Variants in EGFR observed in about 807,000 individuals in gnomAD.
EGFR encodes avian erythroblastic leukemia viral (v-erb-b) oncogene homolog.
Under a neutral mutation model 143.0 loss-of-function variants are expected in EGFR, and 58 were observed. That is an observed-to-expected ratio of 0.41 (90% confidence interval 0.33 to 0.50). The LOEUF (loss-of-function observed/expected upper bound fraction) is 0.50, where lower values mean the gene tolerates loss of function less well. Among genes scored for constraint, EGFR ranks in the 20% least tolerant of loss-of-function variants. EGFR has a pLI of 0.39. For synonymous variants in EGFR, 613 were observed against 594.4 expected (o/e 1.03, Z -0.45); for missense variants, 1,307 against 1,579.0 (o/e 0.83, Z 2.92).
chr7:55,078,557 C>G (rs1034579241), intron 1 of EGFR, among the ~76,000 whole-genome samples: 10 of 152,202 alleles, frequency 6.6e-5, no homozygotes, highest in Non-Finnish European at 1.3e-4. Flanking sequence ...TGACCTGCGT[C>G]CTTCCGCACG....
intron 19 of EGFR, among the ~76,000 whole-genome samples, chr7:55,176,657 G>A (rs1786601941): frequency 6.6e-6 from 1 of 151,784 alleles, no homozygotes; most frequent in African/African-American, 2.4e-5. Flanking sequence ...AGGCTGCAGT[G>A]AGCTAAAATC....
intron 23 of EGFR, 118 bp from the exon 24 acceptor site, chr7:55,200,198 T>A: frequency 9.9e-7 from 1 of 1,012,464 alleles, no homozygotes; most frequent in Non-Finnish European, 1.6e-6. Context: ...AAGACTTGGT[T>A]CTTTCATCAC....
In EGFR at chr7:55,205,776, C is replaced by T; in HGVS notation, c.*159C>T. 8.9e-7 allele frequency: 1 copy of T among 1,117,898 alleles called. No homozygotes were observed. The highest frequency in any genetic ancestry group is 1.3e-6 in the Non-Finnish European group (1 of 772,960). 69.2% of individuals were successfully genotyped at this position (1,117,898 alleles called of 1,614,324 possible). ...ACCGACTAGCCAGGAAGTACTTCCACCTCGGGCACATTTTGGGAAGTTGCA... is the reference window on the plus strand; with the variant it reads ...ACCGACTAGCCAGGAAGTACTTCCATCTCGGGCACATTTTGGGAAGTTGCA... On this transcript the variant is annotated 3_prime_UTR_variant, in exon 28 of 28. Coordinates refer to ENST00000275493, the MANE Select transcript of EGFR (RefSeq NM_005228.5).
rs913611421 is a variant in EGFR, at chr7:55,168,650, T to G, written c.1881-2525T>G. The G allele has an allele frequency of 1.2e-5, 17 of 1,462,264 alleles. No homozygotes were observed. The African/African-American group carries it at 1.6e-4, about 13-fold the overall frequency. The allele number at this position is 1,462,264 out of a possible 1,614,324, so 90.6% of individuals were successfully genotyped here. A position where few individuals can be genotyped will look rare whatever the true frequency, so the allele number is the denominator to read the frequency against. On this transcript the variant is annotated intron_variant, in intron 15 of 27. Transcript: ENST00000275493. ...TATTCATTTGACATATGGAATTTTA[T>G]AAATATTTTCTTTAGTATGTGTGAT...
chr7:55,113,372 A>C (rs1792634138), intron 1 of EGFR, among the ~76,000 whole-genome samples: 1 of 152,130 alleles, frequency 6.6e-6, no homozygotes, highest in South Asian at 2.1e-4. Flanking sequence ...TCCTATTCAA[A>C]TCACCTGGCA....
At chr7:55,023,066 T>G (rs1172933107) in intron 1 of EGFR, among the ~76,000 whole-genome samples, 1 of 152,218 alleles carries the variant, frequency 6.6e-6, no homozygotes, top group Non-Finnish European at 1.5e-5. Flanking sequence ...TTATGGGCAC[T>G]GAAGGGAAGG....
chr7:55,187,304 A>G (rs62457123), intron 20 of EGFR, among the ~76,000 whole-genome samples: 1 of 151,978 alleles, frequency 6.6e-6, no homozygotes, highest in Non-Finnish European at 1.5e-5. Context: ...CATGGGTGCT[A>G]TCTCTACATA....
intron 1 of EGFR, among the ~76,000 whole-genome samples, chr7:55,127,170 A>G (rs1187168672): frequency 6.6e-6 from 1 of 152,180 alleles, no homozygotes; most frequent in East Asian, 1.9e-4. Context: ...GATGAGTGGC[A>G]GGGCTCTGCT....
chr7:55,174,166 G>T (rs2128954037), intron 18 of EGFR, 123 bp downstream of exon 18: 1 of 1,384,420 alleles, frequency 7.2e-7, no homozygotes, highest in Non-Finnish European at 9.8e-7. Context: ...TTCACTGAGT[G>T]TTTGGGAAAC....
chr7:55,204,910 G>T (rs923139323), intron 27 of EGFR, among the ~76,000 whole-genome samples: 5 of 144,612 alleles, frequency 3.5e-5, no homozygotes, highest in African/African-American at 1.3e-4. Context: ...CACACACACG[G>T]TGCACATACA....
At chr7:55,148,274 A>T (rs1794870444) in intron 4 of EGFR, among the ~76,000 whole-genome samples, 1 of 150,998 alleles carries the variant, frequency 6.6e-6, no homozygotes, top group Admixed American at 6.6e-5. Context: ...TGCACATTTT[A>T]TTTTTTTTTA....
intron 1 of EGFR, among the ~76,000 whole-genome samples, chr7:55,081,236 T>A (rs533955597): frequency 6.6e-6 from 1 of 152,322 alleles, no homozygotes; most frequent in Non-Finnish European, 1.5e-5. Context: ...TTATCAATCA[T>A]GGACTTTTGG....
At chr7:55,161,701 A>G (rs2128943268) in intron 13 of EGFR, 70 bp downstream of exon 13, 1 of 1,611,336 alleles carries the variant, frequency 6.2e-7, no homozygotes, top group Non-Finnish European at 8.5e-7. Context: ...TTATAGCTTT[A>G]CAGGCATTCT....
intron 1 of EGFR, among the ~76,000 whole-genome samples, chr7:55,098,861 G>A (rs1365107278): frequency 6.6e-6 from 1 of 152,102 alleles, no homozygotes; most frequent in East Asian, 1.9e-4. Flanking sequence ...AACCCTAAAA[G>A]GTGTCCAGTG....
At chr7:55,103,890 T>C (rs1399437930) in intron 1 of EGFR, among the ~76,000 whole-genome samples, 1 of 152,256 alleles carries the variant, frequency 6.6e-6, no homozygotes, top group Non-Finnish European at 1.5e-5. Context: ...GCTCACATCT[T>C]TTAATTCACA....
At chr7:55,067,413 AGAAT>A (rs1483464928) in intron 1 of EGFR, among the ~76,000 whole-genome samples, 4 of 151,542 alleles carry the variant, frequency 2.6e-5, no homozygotes, top group Non-Finnish European at 1.5e-5. Context: ...TAGACAACGC[AGAAT>A]GACTGGGAAA....
intron 24 of EGFR, among the ~76,000 whole-genome samples, 195 bp from the exon 25 acceptor site, chr7:55,200,993 C>T (rs1787821506): frequency 6.6e-6 from 1 of 152,112 alleles, no homozygotes. Context: ...AAGGATGGTT[C>T]ATGTTTTATT....
chr7:55,054,941 C>A (rs1186356842), intron 1 of EGFR, among the ~76,000 whole-genome samples: 2 of 152,190 alleles, frequency 1.3e-5, no homozygotes, highest in African/African-American at 2.4e-5. Flanking sequence ...TAGAACCACT[C>A]CAAGCTCCGT....
chr7:55,020,391 G>T (rs1484803639), intron 1 of EGFR, among the ~76,000 whole-genome samples: 1 of 152,194 alleles, frequency 6.6e-6, no homozygotes, highest in African/African-American at 2.4e-5. Flanking sequence ...GGGGATCGCG[G>T]GACTCTTGAG....
Sources: gnomAD v4.1 joint callset for allele counts (sites outside exome capture counted in the v4.1 genomes callset) on GRCh38, gnomAD v4.1.1 for gene constraint, MANE v1.5 for transcripts, NCBI Gene and HGNC (gene_info 2026-07-23, HGNC 2026-07-21) for gene names.